The following SKAP1 variants were observed in gnomAD, a reference collection of about 807,000 sequenced individuals.
SKAP1 encodes src kinase associated phosphoprotein 1.
Under a neutral mutation model 58.5 loss-of-function variants are expected in SKAP1, and 44 were observed. The ratio of observed to expected loss-of-function variants is 0.75; its 90% CI spans 0.59 to 0.97. The LOEUF (loss-of-function observed/expected upper bound fraction) is 0.97, where lower values mean the gene tolerates loss of function less well. Ranked by LOEUF, SKAP1 falls within the 50% of genes least tolerant of loss-of-function variation. The pLI is 0.00. For missense variants in SKAP1, 390 were observed against 435.2 expected, an observed-to-expected ratio of 0.90 and a Z score of 0.92; for synonymous variants, 127 against 149.7, an observed-to-expected ratio of 0.85 and a Z score of 1.11.
intron 4 of SKAP1, among the ~76,000 whole-genome samples, chr17:48,199,170 A>G (rs1014109745): frequency 7.9e-5 from 12 of 152,204 alleles, no homozygotes; most frequent in Admixed American, 6.5e-4. Context: ...TCACTTTTTA[A>G]CTGGTTCACC....
intron 4 of SKAP1, among the ~76,000 whole-genome samples, chr17:48,338,647 G>C (rs2144298733): frequency 6.6e-6 from 1 of 152,226 alleles, no homozygotes; most frequent in African/African-American, 2.4e-5. Context: ...ACATGTGAGA[G>C]CACTTTACTG....
At chr17:48,267,287 C>T (rs550986263) in intron 4 of SKAP1, among the ~76,000 whole-genome samples, 1 of 152,294 alleles carries the variant, frequency 6.6e-6, no homozygotes, top group South Asian at 2.1e-4. Flanking sequence ...TACTTCTCAA[C>T]ATACATGATT....
chr17:48,167,252 A>G (rs906759982), intron 10 of SKAP1, among the ~76,000 whole-genome samples: 3 of 152,212 alleles, frequency 2.0e-5, no homozygotes, highest in African/African-American at 4.8e-5. Flanking sequence ...AGGAAGAGCA[A>G]TTGGATAATA....
At chr17:48,242,662 G>A (rs2065254951) in intron 4 of SKAP1, among the ~76,000 whole-genome samples, 1 of 152,196 alleles carries the variant, frequency 6.6e-6, no homozygotes, top group Admixed American at 6.5e-5. Context: ...GAAGGGTTAG[G>A]AAGCTAGCTT....
At chr17:48,248,466 C>T (rs947896603) in intron 4 of SKAP1, among the ~76,000 whole-genome samples, 2 of 152,132 alleles carry the variant, frequency 1.3e-5, no homozygotes, top group Admixed American at 6.5e-5. Flanking sequence ...ACTCATGAGG[C>T]TGAGGCAGAA....
At chr17:48,372,028 A>C (rs770027741) in intron 2 of SKAP1, among the ~76,000 whole-genome samples, 3 of 152,084 alleles carry the variant, frequency 2.0e-5, no homozygotes, top group Non-Finnish European at 4.4e-5. Context: ...GCTGGAGTGC[A>C]GTGCACAATC....
chr17:48,272,816 C>T (rs753316556), intron 4 of SKAP1, among the ~76,000 whole-genome samples: 1 of 152,180 alleles, frequency 6.6e-6, no homozygotes, highest in Non-Finnish European at 1.5e-5. Context: ...CTTGGCCTCC[C>T]AAAGTACTGG....
chr17:48,143,422 G>A (rs2063792450), intron 11 of SKAP1, among the ~76,000 whole-genome samples: 1 of 151,446 alleles, frequency 6.6e-6, no homozygotes, highest in Admixed American at 6.6e-5. Flanking sequence ...ATGTTGCCTA[G>A]GCTAGCCTTG....
intron 11 of SKAP1, among the ~76,000 whole-genome samples, chr17:48,158,567 C>CAAAAAAAA (rs1171183021): frequency 0.056 from 3,402 of 61,108 alleles, 365 homozygotes; most frequent in Non-Finnish European, 0.075. Context: ...GACTCTGTCT[C>CAAAAAAAA]AAAAAAAAAA....
intron 4 of SKAP1, chr17:48,295,466 T>A (rs1372583714): frequency 1.3e-5 from 2 of 152,148 alleles, no homozygotes; most frequent in Non-Finnish European, 2.9e-5. Context: ...GGCAAGCAAT[T>A]GAAAGGATTC....
chr17:48,239,540 A>AAACTCACT (rs1250707967), intron 4 of SKAP1, among the ~76,000 whole-genome samples: 2 of 152,222 alleles, frequency 1.3e-5, no homozygotes, highest in Non-Finnish European at 2.9e-5. Flanking sequence ...AGTCAATCAG[A>AAACTCACT]AACTCACTAG....
At chr17:48,270,771 A>G (rs971624772) in intron 4 of SKAP1, among the ~76,000 whole-genome samples, 31 of 152,140 alleles carry the variant, frequency 2.0e-4, no homozygotes, top group Non-Finnish European at 2.9e-5. Context: ...GATTGTTATC[A>G]TTGTGTTTAT....
intron 11 of SKAP1, among the ~76,000 whole-genome samples, chr17:48,158,745 G>A (rs9894076): frequency 0.16 from 24,323 of 151,576 alleles, 2,644 homozygotes; most frequent in African/African-American, 0.3. Context: ...CGGATCACGA[G>A]GTCAGGAGAT....
intron 3 of SKAP1, among the ~76,000 whole-genome samples, chr17:48,347,827 A>G (rs746503963): frequency 3.3e-5 from 5 of 151,740 alleles, no homozygotes; most frequent in Non-Finnish European, 7.4e-5. Context: ...TATCAACACA[A>G]TCTAAATGGA....
At chr17:48,234,642 A>G (rs909058388) in intron 4 of SKAP1, among the ~76,000 whole-genome samples, 1 of 152,180 alleles carries the variant, frequency 6.6e-6, no homozygotes, top group Non-Finnish European at 1.5e-5. Flanking sequence ...AGCATCTGTT[A>G]TATGTCAGGT....
intron 11 of SKAP1, among the ~76,000 whole-genome samples, chr17:48,144,361 C>T (rs944776052): frequency 3.9e-5 from 6 of 152,146 alleles, no homozygotes; most frequent in African/African-American, 4.8e-5. Context: ...CTGAACACCA[C>T]GAGGTATTTT....
chr17:48,165,218 A>G (rs2064120790), intron 10 of SKAP1, among the ~76,000 whole-genome samples: 1 of 152,168 alleles, frequency 6.6e-6, no homozygotes, highest in Non-Finnish European at 1.5e-5. Flanking sequence ...AAGACCTTGA[A>G]GAGGGGAAGA....
intron 1 of SKAP1, among the ~76,000 whole-genome samples, chr17:48,416,224 T>A (rs563603016): frequency 6.6e-6 from 1 of 152,180 alleles, no homozygotes; most frequent in East Asian, 1.9e-4. Flanking sequence ...TTTTTTCTAG[T>A]TATAAGGAAA....
chr17:48,363,302 G>A (rs1306362157), intron 3 of SKAP1, among the ~76,000 whole-genome samples: 1 of 152,166 alleles, frequency 6.6e-6, no homozygotes, highest in African/African-American at 2.4e-5. Flanking sequence ...TGATAACACT[G>A]TTCTAGTGGG....
Sources: gnomAD v4.1 joint callset for allele counts (sites outside exome capture counted in the v4.1 genomes callset) on GRCh38, gnomAD v4.1.1 for gene constraint, MANE v1.5 for transcripts, NCBI Gene and HGNC (gene_info 2026-07-23, HGNC 2026-07-21) for gene names.